Variants in POLE observed in about 807,000 individuals in gnomAD.
POLE encodes DNA polymerase epsilon catalytic subunit A.
Under a neutral mutation model 279.2 loss-of-function variants are expected in POLE, and 188 were observed. That is an observed-to-expected ratio of 0.67 (90% CI 0.60 to 0.76). The LOEUF (loss-of-function observed/expected upper bound fraction) is 0.76, where lower values mean the gene tolerates loss of function less well. Ranked by LOEUF, POLE falls within the 30% of genes least tolerant of loss-of-function variation. POLE has a pLI of 0.00. For missense variants in POLE, 2,703 were observed against 3,016.7 expected (o/e 0.90, Z 2.44); for synonymous variants, 1,214 against 1,172.5 (o/e 1.04, Z -0.72).
Position 132,646,765 on chromosome 12 carries a change from G to C in POLE, c.4149+2164C>G, listed in dbSNP as rs539123059. Among the ~76,000 whole-genome samples, 9 of 151,960 alleles carry C rather than the reference G, an allele frequency of 5.9e-5. No homozygotes were observed. The South Asian group carries it at 8.3e-4, about 14-fold the overall frequency. ...GAGAATTTCTTGAACCCGGGAGGCG[G>C]AGGTTGCGGTGAGCCGAGATGCGCC... On this transcript the variant is annotated intron_variant, in intron 32 of 48. Coordinates refer to ENST00000320574, the MANE Select transcript of POLE (RefSeq NM_006231.4).
Position 132,639,377 on chromosome 12 carries a change from G to A in POLE, c.5379-79C>T, listed in dbSNP as rs964173882. On this transcript the variant is annotated intron_variant, in intron 39 of 48. Coordinates refer to ENST00000320574, the MANE Select transcript of POLE (RefSeq NM_006231.4). The surrounding 1 kb of genome is among the most constrained non-coding windows in gnomAD (Gnocchi z 4.7). ...CACGCGGGACGCTCCAACTGAAATG[G>A]GCACAGGTTTTCCCTACACGGCTGG... is the stretch of plus-strand genomic sequence containing the variant. 1 of 1,386,594 alleles carries A rather than the reference G, an allele frequency of 7.2e-7. No individual in the cohort carries two copies. Among genetic ancestry groups the A allele is most frequent in the Non-Finnish European group, 1.0e-6 (1 of 999,050 alleles). The allele number at this position is 1,386,594 out of a possible 1,614,324, so 85.9% of individuals were successfully genotyped here.
Position 132,625,662 on chromosome 12 carries a change from A to C in POLE, c.6640T>G (p.Phe2214Val), listed in dbSNP as rs1251545206. 1.2e-6 allele frequency: 2 copies of C among 1,613,606 alleles called. No homozygotes were observed. The highest frequency in any genetic ancestry group is 2.7e-5 in the African/African-American group (2 of 74,938). ...VEVLQKKLMA[F>V]TLQDLVCLKC... Reference sequence around the variant, plus strand: ...CGACTCACCAGGTCCTGCAGGGTGAAGGCCATCAGCTTCTTCTGTAGAACT... The same window carrying C: ...CGACTCACCAGGTCCTGCAGGGTGACGGCCATCAGCTTCTTCTGTAGAACT... Residue 2214 changes from phenylalanine to valine, a missense_variant, in exon 47 of 49, where the codon TTC becomes GTC. Physicochemically the swap from Phe to Val is conservative, Grantham distance 50 (BLOSUM62 -1). This residue lies in a region of POLE where 1,551 missense variants were observed against 1,686.1 expected (regional missense o/e 0.92). Coordinates refer to ENST00000320574, the MANE Select transcript of POLE (RefSeq NM_006231.4).
chr12:132,644,083 A>C, intron 32 of POLE, 106 bp from the exon 33 acceptor site: 6 of 1,213,928 alleles, frequency 4.9e-6, no homozygotes, highest in Non-Finnish European at 4.7e-6. Flanking sequence ...TGGTGCCCCT[A>C]GCGACGGGGT....
Position 132,642,736 on chromosome 12 carries a change from C to G in POLE, c.4729-7G>C, listed in dbSNP as rs768719788. ...TGGGCCCCCGGCGCTCCTCCTGGGT[C>G]AAGGCAAAATGGAAGAAAAGACCTG... On this transcript the variant is annotated splice_polypyrimidine_tract_variant and splice_region_variant and intron_variant, in intron 36 of 48. Transcript: ENST00000320574. 7 of 1,613,342 alleles carry G rather than the reference C, an allele frequency of 4.3e-6. No individual in the cohort carries two copies. Among genetic ancestry groups the G allele is most frequent in the Non-Finnish European group, 5.1e-6 (6 of 1,179,782 alleles).
At chr12:132,678,918 G>A (rs1410200635) in intron 6 of POLE, among the ~76,000 whole-genome samples, 1 of 152,232 alleles carries the variant, frequency 6.6e-6, no homozygotes, top group African/African-American at 2.4e-5. Context: ...CATTGCCAGG[G>A]AAGGCGGACT....
At chr12:132,683,706 A>C (rs2043214288) in intron 1 of POLE, among the ~76,000 whole-genome samples, 2 of 152,236 alleles carry the variant, frequency 1.3e-5, no homozygotes, top group Non-Finnish European at 2.9e-5. Flanking sequence ...ATCACCTCTT[A>C]ACAGGGGCGC....
chr12:132,651,033 G>A (rs7956850), intron 29 of POLE: 76,074 of 151,750 alleles, frequency 0.5, 19,694 homozygotes, highest in East Asian at 0.7. Context: ...CACCAAGCCC[G>A]GCTAATTTTT....
chr12:132,629,741 T>C (rs926389709), intron 45 of POLE, among the ~76,000 whole-genome samples: 8 of 152,238 alleles, frequency 5.3e-5, no homozygotes, highest in African/African-American at 1.9e-4. Flanking sequence ...TCTTTATCTT[T>C]CATGTGTTCA....
chr12:132,629,562 T>A (rs1054497294), intron 45 of POLE, among the ~76,000 whole-genome samples: 1 of 152,146 alleles, frequency 6.6e-6, no homozygotes, highest in Non-Finnish European at 1.5e-5. Flanking sequence ...TGAACCAACC[T>A]CCGCCAGCTT....
intron 45 of POLE, among the ~76,000 whole-genome samples, chr12:132,628,855 A>AAAGTC: frequency 6.6e-6 from 1 of 152,228 alleles, no homozygotes; most frequent in East Asian, 1.9e-4. Context: ...TGAATCCCTC[A>AAAGTC]AAGTCATCCA....
At chr12:132,667,786 A>C (rs2135972357) in intron 19 of POLE, 138 bp from the exon 20 acceptor site, 211 of 953,704 alleles carry the variant, frequency 2.2e-4, no homozygotes, top group Non-Finnish European at 2.7e-4. Context: ...CTAGTTTCTC[A>C]TACCGAAAAA....
chr12:132,624,867 A>C, intron 48 of POLE, 38 bp downstream of exon 48: 1 of 1,487,442 alleles, frequency 6.7e-7, no homozygotes, highest in African/African-American at 1.4e-5. Context: ...GAGGCCAAGG[A>C]GGCCAGGCTG....
intron 23 of POLE, among the ~76,000 whole-genome samples, chr12:132,662,633 A>G (rs2135952579): frequency 6.6e-6 from 1 of 152,320 alleles, no homozygotes; most frequent in South Asian, 2.1e-4. Context: ...TCGGGTTTTT[A>G]CATCATTCTT....
chr12:132,662,875 A>T (rs952057699), intron 23 of POLE, among the ~76,000 whole-genome samples: 1 of 152,190 alleles, frequency 6.6e-6, no homozygotes, highest in African/African-American at 2.4e-5. Context: ...CTGATCCGCA[A>T]ATCCACACTG....
chr12:132,652,924 A>G (rs1208254367), intron 29 of POLE, among the ~76,000 whole-genome samples: 1 of 152,202 alleles, frequency 6.6e-6, no homozygotes, highest in African/African-American at 2.4e-5. Context: ...TTCGTCTGTC[A>G]AGTTCTATCC....
chr12:132,681,345 TTTTTTTC>T lies in POLE; in HGVS notation c.63-73_63-67del, dbSNP rs1195092884. ...CACCTGCTGCTGCTTCTTTTTTTCT[TTTTTTTC>T]TTTTTTTTTGAGACGGAGTCTTGCT... On this transcript the variant is annotated intron_variant, in intron 1 of 48. Coordinates refer to ENST00000320574, the MANE Select transcript of POLE (RefSeq NM_006231.4). 2.6e-4 allele frequency: 401 copies of T among 1,514,780 alleles called. 2 individuals are homozygous for T. In the Middle Eastern group the frequency reaches 5.1e-3, roughly 19 times the overall value. The allele number at this position is 1,514,780 out of a possible 1,614,324, so 93.8% of individuals were successfully genotyped here. A position where few individuals can be genotyped will look rare whatever the true frequency, so the allele number is the denominator to read the frequency against.
chr12:132,685,894 GAC>G (rs1036066397), intron 1 of POLE, among the ~76,000 whole-genome samples: 1 of 150,414 alleles, frequency 6.6e-6, no homozygotes, highest in African/African-American at 2.4e-5. Context: ...TTTTTTTTGA[GAC>G]AGAGTTTCAT....
At chr12:132,679,434 C>G in intron 6 of POLE, 63 bp downstream of exon 6, 1 of 1,507,890 alleles carries the variant, frequency 6.6e-7, no homozygotes, top group Non-Finnish European at 9.0e-7. Flanking sequence ...CTACGTGTTC[C>G]TGTCTCCTAT....
chr12:132,629,271 C>G (rs1049329508), intron 45 of POLE, among the ~76,000 whole-genome samples: 1 of 152,222 alleles, frequency 6.6e-6, no homozygotes, highest in Admixed American at 6.5e-5. Flanking sequence ...TGAGCAGTGG[C>G]TTCGACTTAA....
Sources: gnomAD v4.1 joint callset for allele counts (sites outside exome capture counted in the v4.1 genomes callset) on GRCh38, gnomAD v4.1.1 for gene constraint, gnomAD v4.1.1 regional missense constraint, Gnocchi (gnomAD v3.1) non-coding constraint, MANE v1.5 for transcripts, NCBI Gene and HGNC (gene_info 2026-07-23, HGNC 2026-07-21) for gene names.